Variants in EEPD1 observed in about 807,000 individuals in gnomAD.
EEPD1 encodes the protein endonuclease/exonuclease/phosphatase family domain-containing protein 1.
Under a neutral mutation model 46.3 loss-of-function variants are expected in EEPD1, and 17 were observed. That is an observed-to-expected ratio of 0.37 (90% CI 0.25 to 0.55). The LOEUF (loss-of-function observed/expected upper bound fraction) is 0.55, where lower values mean the gene tolerates loss of function less well. Ranked by LOEUF, EEPD1 falls within the 20% of genes least tolerant of loss-of-function variation. The pLI is 0.83. For missense variants in EEPD1, 673 were observed against 745.6 expected, an observed-to-expected ratio of 0.90 and a Z score of 1.13; for synonymous variants, 313 against 315.6, an observed-to-expected ratio of 0.99 and a Z score of 0.09.
rs1190562975 is a variant in EEPD1, at chr7:36,154,307, G to A, written c.-18G>A. ...CTGCAGTGGTGCGGCCTTCCCGGGA[G>A]CCTGATCCTGGCGGACCATGGGGAG... On this transcript the variant is annotated 5_prime_UTR_variant, in exon 2 of 8. Transcript: ENST00000242108. This position sits in a 1 kb window ranked among gnomAD's most constrained non-coding sequence, Gnocchi z 4.2. 4 of 1,599,340 alleles carry A rather than the reference G, an allele frequency of 2.5e-6. No individual in the cohort carries two copies. The highest frequency in any genetic ancestry group is 2.7e-5 in the African/African-American group (2 of 74,820).
intron 3 of EEPD1, among the ~76,000 whole-genome samples, chr7:36,241,605 G>T (rs1786554506): frequency 6.6e-6 from 1 of 151,824 alleles, no homozygotes; most frequent in African/African-American, 2.4e-5. Context: ...AGTGGCTCAC[G>T]CCTGTAATCC....
At chr7:36,292,984 A>G (rs16879335) in intron 6 of EEPD1, among the ~76,000 whole-genome samples, 49,572 of 98,354 alleles carry the variant, frequency 0.5, 8,452 homozygotes, top group South Asian at 0.67. Flanking sequence ...GTTACACCTA[A>G]AGTTAAAAAA....
intron 2 of EEPD1, among the ~76,000 whole-genome samples, chr7:36,227,056 C>T (rs1477601476): frequency 1.3e-5 from 2 of 151,944 alleles, no homozygotes; most frequent in Non-Finnish European, 2.9e-5. Context: ...AAAATATCTA[C>T]CCATCTTAAA....
At chr7:36,284,966 C>T (rs552395609) in intron 5 of EEPD1, 146 bp downstream of exon 5, 1 of 1,154,772 alleles carries the variant, frequency 8.7e-7, no homozygotes, top group African/African-American at 1.6e-5. Flanking sequence ...TTTTGTCTCT[C>T]CTGGGGCTTC....
At chr7:36,240,831 T>C (rs1387051919) in intron 3 of EEPD1, among the ~76,000 whole-genome samples, 1 of 152,196 alleles carries the variant, frequency 6.6e-6, no homozygotes, top group Non-Finnish European at 1.5e-5. Flanking sequence ...GATGAAACTG[T>C]TCCACCTCAG....
intron 2 of EEPD1, among the ~76,000 whole-genome samples, chr7:36,227,491 T>C (rs1465058870): frequency 6.6e-6 from 1 of 152,198 alleles, no homozygotes; most frequent in Non-Finnish European, 1.5e-5. Context: ...GCGTGTCCAC[T>C]GATGTGCAGA....
chr7:36,205,871 A>G (rs1785806867), intron 2 of EEPD1, among the ~76,000 whole-genome samples: 1 of 152,148 alleles, frequency 6.6e-6, no homozygotes, highest in African/African-American at 2.4e-5. Flanking sequence ...ACAAAACCCC[A>G]TAGAAACTCT....
chr7:36,182,996 G>A (rs993375859), intron 2 of EEPD1, among the ~76,000 whole-genome samples: 5 of 151,528 alleles, frequency 3.3e-5, no homozygotes, highest in Non-Finnish European at 5.9e-5. Context: ...TGTAGCTCTG[G>A]GGTCAGGTGA....
intron 1 of EEPD1, among the ~76,000 whole-genome samples, 189 bp downstream of exon 1, chr7:36,153,863 G>C (rs999033427): frequency 6.6e-6 from 1 of 152,202 alleles, no homozygotes; most frequent in African/African-American, 2.4e-5. Flanking sequence ...AGAGTTGAGA[G>C]AGGCCTGGAG....
chr7:36,192,671 G>A (rs1785481473), intron 2 of EEPD1, among the ~76,000 whole-genome samples: 1 of 152,208 alleles, frequency 6.6e-6, no homozygotes, highest in South Asian at 2.1e-4. Flanking sequence ...TTATGAAATA[G>A]CCTATTATAT....
chr7:36,268,436 G>C (rs1300935294), intron 3 of EEPD1, among the ~76,000 whole-genome samples: 3 of 152,158 alleles, frequency 2.0e-5, no homozygotes, highest in African/African-American at 7.2e-5. Context: ...TGGGATTACA[G>C]GCATGAGCCA....
At chr7:36,164,310 AT>A (rs1390132248) in intron 2 of EEPD1, among the ~76,000 whole-genome samples, 1 of 152,192 alleles carries the variant, frequency 6.6e-6, no homozygotes. Flanking sequence ...TGACAACCAC[AT>A]TTTAGGAGAT....
At chr7:36,223,428 A>T (rs1167903762) in intron 2 of EEPD1, among the ~76,000 whole-genome samples, 2 of 151,564 alleles carry the variant, frequency 1.3e-5, no homozygotes, top group Non-Finnish European at 2.9e-5. Context: ...TGCATCCCCC[A>T]CCCCTAGAGC....
chr7:36,239,189 C>T (rs150241098), intron 3 of EEPD1, among the ~76,000 whole-genome samples, 153 bp downstream of exon 3: 88 of 152,284 alleles, frequency 5.8e-4, no homozygotes, highest in African/African-American at 2.0e-3. Flanking sequence ...GAATTTTAAT[C>T]TGAGCCCCCT....
intron 2 of EEPD1, among the ~76,000 whole-genome samples, chr7:36,238,264 C>A (rs1380143011): frequency 6.6e-6 from 1 of 152,096 alleles, no homozygotes; most frequent in African/African-American, 2.4e-5. Context: ...TTTACCACAC[C>A]CTCTTTTATC....
intron 2 of EEPD1, among the ~76,000 whole-genome samples, chr7:36,235,236 C>A (rs547022773): frequency 6.6e-6 from 1 of 152,022 alleles, no homozygotes; most frequent in Non-Finnish European, 1.5e-5. Context: ...AGGCCTCCCC[C>A]ACAGCATCGA....
At chr7:36,205,739 C>T (rs1378655858) in intron 2 of EEPD1, among the ~76,000 whole-genome samples, 1 of 152,180 alleles carries the variant, frequency 6.6e-6, no homozygotes, top group African/African-American at 2.4e-5. Flanking sequence ...CCAAAGTGAG[C>T]AGCGAGGTGG....
intron 5 of EEPD1, among the ~76,000 whole-genome samples, chr7:36,287,236 CAAAAAAAAAAAAAAA>C (rs377318198): frequency 2.4e-5 from 1 of 42,204 alleles, no homozygotes; most frequent in Non-Finnish European, 3.8e-5. Context: ...GACTCCTTCT[CAAAAAAAAAAAAAAA>C]AAAAAAAAAA....
At chr7:36,185,339 T>C (rs949430398) in intron 2 of EEPD1, among the ~76,000 whole-genome samples, 3 of 152,242 alleles carry the variant, frequency 2.0e-5, no homozygotes, top group Non-Finnish European at 4.4e-5. Context: ...ATTTACTCAG[T>C]TTCACCATGG....
Sources: gnomAD v4.1 joint callset for allele counts (sites outside exome capture counted in the v4.1 genomes callset) on GRCh38, gnomAD v4.1.1 for gene constraint, Gnocchi (gnomAD v3.1) non-coding constraint, MANE v1.5 for transcripts, NCBI Gene and HGNC (gene_info 2026-07-23, HGNC 2026-07-21) for gene names.